SEC24B: variants seen among roughly 807,000 people sequenced by gnomAD.
The protein encoded by SEC24B is SEC24 homolog B, COPII component, also known as protein transport protein Sec24B.
In SEC24B, 45 loss-of-function variants were observed where a neutral mutation model predicts 142.8. The observed-to-expected ratio is 0.32, with a 90% CI of 0.25 to 0.40. The LOEUF is 0.40. Among genes scored for constraint, SEC24B ranks in the 10% least tolerant of loss-of-function variants. The pLI, the probability that SEC24B is intolerant of heterozygous loss-of-function variation, is 1.00. For missense variants in SEC24B, 1,409 were observed against 1,526.8 expected (o/e 0.92, Z 1.29); for synonymous variants, 574 against 568.2 (o/e 1.01, Z -0.15).
intron 14 of SEC24B, among the ~76,000 whole-genome samples, chr4:109,524,093 A>G (rs1313960601): frequency 1.3e-5 from 2 of 152,160 alleles, no homozygotes; most frequent in African/African-American, 4.8e-5. Flanking sequence ...GGAAGCTGAT[A>G]TATATTTACT....
chr4:109,471,188 G>A (rs1193664199), intron 2 of SEC24B, among the ~76,000 whole-genome samples: 2 of 152,084 alleles, frequency 1.3e-5, no homozygotes, highest in Admixed American at 1.3e-4. Context: ...TTTCACCCAG[G>A]CTGGAGTGCA....
At chr4:109,524,099 T>A (rs1003102905) in intron 14 of SEC24B, among the ~76,000 whole-genome samples, 8 of 152,204 alleles carry the variant, frequency 5.3e-5, no homozygotes, top group Non-Finnish European at 1.2e-4. Flanking sequence ...TGATATATAT[T>A]TACTGAATCC....
chr4:109,463,507 A>G lies in SEC24B; in HGVS notation c.740A>G (p.Gln247Arg). Residue 247 changes from glutamine (Q) to arginine (R), a missense_variant, in exon 2 of 24, where the codon CAG becomes CGG. Coordinates refer to ENST00000265175, the MANE Select transcript of SEC24B (RefSeq NM_006323.5). ...CCACTTCCACCTCTACCATCACAAC[A>G]GCACCACCAGCAGCAAAGTCTTTCA... ...PSPLPPLPSQ[Q>R]HHQQQSLSGY... 6.2e-7 allele frequency: 1 copy of G among 1,614,138 alleles called. No homozygotes were observed. Among genetic ancestry groups the G allele is most frequent in the South Asian group, 1.1e-5 (1 of 91,076 alleles).
Position 109,528,882 on chromosome 4 carries a change from G to C in SEC24B, c.3077-1407G>C, listed in dbSNP as rs78814219. 9.1e-4 allele frequency among the ~76,000 whole-genome samples: 138 copies of C among 152,316 alleles called. 2 individuals carry two copies. The highest frequency in any genetic ancestry group is 3.1e-3 in the African/African-American group (128 of 41,576). On this transcript the variant is annotated intron_variant, in intron 18 of 23. Coordinates refer to ENST00000265175, the MANE Select transcript of SEC24B (RefSeq NM_006323.5). The stretch of plus-strand genomic sequence containing the variant: ...TTTAAATAACAGAAGCATTTAATCA[G>C]TCCTGGTGTGGTGGCCCATGCCTGT...
At chr4:109,527,533 G>A in intron 18 of SEC24B, 101 bp downstream of exon 18, 1 of 843,974 alleles carries the variant, frequency 1.2e-6, no homozygotes, top group Non-Finnish European at 1.9e-6. Flanking sequence ...AGCATTTTGG[G>A]AGGCTGAGGC....
intron 22 of SEC24B, among the ~76,000 whole-genome samples, chr4:109,536,695 A>G (rs985864822): frequency 6.6e-6 from 1 of 151,970 alleles, no homozygotes; most frequent in African/African-American, 2.4e-5. Flanking sequence ...ACGCCCAGCT[A>G]ATTGTTTGTA....
At chr4:109,509,182 T>A (rs1378229265) in intron 7 of SEC24B, among the ~76,000 whole-genome samples, 1 of 152,160 alleles carries the variant, frequency 6.6e-6, no homozygotes, top group Non-Finnish European at 1.5e-5. Context: ...CCAACCTGCA[T>A]GAATGGCAAA....
Position 109,539,658 on chromosome 4 carries a change from C to A in SEC24B, c.3790C>A (p.Gln1264Lys). ...SYYEFLLHVQQQICK is the reference protein window; with the variant it reads ...SYYEFLLHVQKQICK ...CTATGAATTTTTGCTTCATGTTCAG[C>A]AGCAGATTTGTAAGTGAAGTAGAAT... The change falls in exon 24 of 24, where the codon CAG becomes AAG. Residue 1264 changes from glutamine to lysine, a missense_variant. By Grantham distance (53) the Gln-to-Lys change is moderately conservative (BLOSUM62 1). This residue lies in a region of SEC24B where 700 missense variants were observed against 853.3 expected (regional missense o/e 0.82). Transcript: ENST00000265175. 6.2e-7 allele frequency: 1 copy of A among 1,607,596 alleles called. No individual in the cohort carries two copies. Among genetic ancestry groups the A allele is most frequent in the Non-Finnish European group, 8.5e-7 (1 of 1,174,374 alleles).
chr4:109,483,798 TAATTTTA>T (rs1314857896), intron 4 of SEC24B, among the ~76,000 whole-genome samples: 1 of 152,246 alleles, frequency 6.6e-6, no homozygotes, highest in African/African-American at 2.4e-5. Flanking sequence ...ATTTTTTTTG[TAATTTTA>T]AATTTTAACA....
intron 1 of SEC24B, among the ~76,000 whole-genome samples, chr4:109,434,920 A>G (rs1167880521): frequency 6.6e-6 from 1 of 152,142 alleles, no homozygotes; most frequent in East Asian, 1.9e-4. Flanking sequence ...GAGATTTGGA[A>G]TGTTCGCGGA....
At position 109,463,606 on chromosome 4, in the gene SEC24B, G is replaced by A. The variant is rs1312100234; in HGVS notation, c.839G>A (p.Gly280Glu). The A allele has an allele frequency of 1.2e-6, 2 of 1,613,938 alleles. No individual in the cohort carries two copies. Among genetic ancestry groups the A allele is most frequent in the East Asian group, 4.5e-5 (2 of 44,876 alleles). ...GACAATCTCATCCGAAACCACACAG[G>A]ATCCCTGGCTGTAGCGAACAACAAC... Reference protein sequence around the residue: ...TQDNLIRNHTGSLAVANNNPT... With the variant: ...TQDNLIRNHTESLAVANNNPT... Residue 280 changes from glycine (G) to glutamate (E), a missense_variant, in exon 2 of 24, where the codon GGA (glycine) becomes GAA (glutamate). Physicochemically the swap from Gly to Glu is moderately conservative, Grantham distance 98 (BLOSUM62 -2). This residue lies in a region of SEC24B where 709 missense variants were observed against 673.5 expected (regional missense o/e 1.05). Transcript: ENST00000265175.
intron 4 of SEC24B, among the ~76,000 whole-genome samples, chr4:109,484,851 C>CAA (rs36027800): frequency 2.5e-4 from 18 of 72,638 alleles, no homozygotes; most frequent in East Asian, 1.1e-3. Flanking sequence ...GACTCTGTCT[C>CAA]AAAAAAAAAA....
In SEC24B at chr4:109,521,552, C is replaced by G. The variant is rs1483084953; in HGVS notation, c.2434C>G (p.Gln812Glu). The G allele has an allele frequency of 3.1e-6, 5 of 1,614,016 alleles. No homozygotes were observed. Among genetic ancestry groups the G allele is most frequent in the Non-Finnish European group, 4.2e-6 (5 of 1,180,010 alleles). The change falls in exon 14 of 24, where the codon CAG becomes GAG. Residue 812 changes from glutamine (Q) to glutamate (E), a missense_variant. Gln to Glu is a conservative substitution (Grantham distance 29). Around this residue, in one of 2 missense-constraint regions of SEC24B, gnomAD observed 700 missense variants for 853.3 expected, o/e 0.82. Coordinates refer to ENST00000265175, the MANE Select transcript of SEC24B (RefSeq NM_006323.5). ...SPTGGRVSVF[Q>E]TQLPSLGAGL... is the part of the protein sequence containing the mutation. Reference sequence around the variant, plus strand: ...AACAGGTGGCCGTGTGTCTGTATTTCAGACACAGTTACCTTCCTTGGGTGC... The same window carrying G: ...AACAGGTGGCCGTGTGTCTGTATTTGAGACACAGTTACCTTCCTTGGGTGC...
chr4:109,508,818 C>G (rs574469207), intron 7 of SEC24B, among the ~76,000 whole-genome samples: 16 of 152,236 alleles, frequency 1.1e-4, no homozygotes, highest in Middle Eastern at 6.8e-3. Context: ...ATAATAGTAT[C>G]AGCATACTAA....
At chr4:109,519,290 A>G (rs1262143926) in intron 11 of SEC24B, among the ~76,000 whole-genome samples, 1 of 152,212 alleles carries the variant, frequency 6.6e-6, no homozygotes, top group Non-Finnish European at 1.5e-5. Context: ...GAGAGAGATG[A>G]TTGACAACTT....
chr4:109,467,108 C>T (rs998406566), intron 2 of SEC24B, among the ~76,000 whole-genome samples: 2 of 151,844 alleles, frequency 1.3e-5, no homozygotes, highest in South Asian at 2.1e-4. Flanking sequence ...GGGCGGATCA[C>T]GAGGTCAGGA....
chr4:109,460,350 A>G (rs912022672), intron 1 of SEC24B, among the ~76,000 whole-genome samples: 4 of 152,174 alleles, frequency 2.6e-5, no homozygotes, highest in African/African-American at 9.6e-5. Flanking sequence ...TACTTGTGTC[A>G]GTGGAGCTAA....
chr4:109,480,188 TCTAAA>T (rs1733591175), intron 3 of SEC24B, among the ~76,000 whole-genome samples: 1 of 152,156 alleles, frequency 6.6e-6, no homozygotes, highest in African/African-American at 2.4e-5. Flanking sequence ...AACCTTTGCT[TCTAAA>T]CTAAAATTTT....
At chr4:109,441,420 A>G (rs1375968748) in intron 1 of SEC24B, among the ~76,000 whole-genome samples, 2 of 152,088 alleles carry the variant, frequency 1.3e-5, no homozygotes, top group Non-Finnish European at 2.9e-5. Context: ...TTCTGAACCA[A>G]TATTGATTTT....
Sources: allele counts gnomAD v4.1 joint callset (sites outside exome capture counted in the v4.1 genomes callset), GRCh38; gene constraint gnomAD v4.1.1; regional missense constraint gnomAD v4.1.1; transcripts MANE v1.5; gene names NCBI Gene and HGNC (gene_info 2026-07-23, HGNC 2026-07-21).